The following CDKAL1 variants were observed in gnomAD, a reference collection of about 807,000 sequenced individuals.
CDKAL1 encodes the protein CDKAL1 threonylcarbamoyladenosine tRNA methylthiotransferase, also known as threonylcarbamoyladenosine tRNA methylthiotransferase.
In CDKAL1, 32 loss-of-function variants were observed where a neutral mutation model predicts 68.2. The observed-to-expected ratio is 0.47, with a 90% confidence interval of 0.35 to 0.63. CDKAL1 has a LOEUF of 0.63. Among genes scored for constraint, CDKAL1 ranks in the 30% least tolerant of loss-of-function variants. The pLI is 0.00. For missense variants in CDKAL1, 606 were observed against 696.7 expected (o/e 0.87, Z 1.47); for synonymous variants, 234 against 244.3 (o/e 0.96, Z 0.39).
At chr6:20,586,646 A>AT (rs767397452) in intron 4 of CDKAL1, among the ~76,000 whole-genome samples, 49 of 152,310 alleles carry the variant, frequency 3.2e-4, no homozygotes, top group Non-Finnish European at 6.2e-4. Flanking sequence ...CAAAACAAAC[A>AT]TAAAAAAAGG....
At chr6:20,579,761 C>G (rs930080260) in intron 4 of CDKAL1, among the ~76,000 whole-genome samples, 1 of 152,158 alleles carries the variant, frequency 6.6e-6, no homozygotes, top group Non-Finnish European at 1.5e-5. Flanking sequence ...CTCATTCGTC[C>G]TTGATCCTAG....
chr6:20,804,124 A>G (rs567823334), intron 8 of CDKAL1, among the ~76,000 whole-genome samples: 115 of 152,354 alleles, frequency 7.5e-4, no homozygotes, highest in Middle Eastern at 6.8e-3. Flanking sequence ...ACATTTTACA[A>G]TGACTATCTA....
intron 11 of CDKAL1, among the ~76,000 whole-genome samples, chr6:21,032,393 A>G (rs568059363): frequency 6.6e-6 from 1 of 151,868 alleles, no homozygotes; most frequent in Non-Finnish European, 1.5e-5. Flanking sequence ...TTATTTCTTT[A>G]CTCCAGAAAT....
intron 12 of CDKAL1, among the ~76,000 whole-genome samples, chr6:21,096,093 A>G (rs1446173168): frequency 1.3e-5 from 2 of 152,218 alleles, no homozygotes; most frequent in Non-Finnish European, 2.9e-5. Context: ...TCCAGGTCCC[A>G]GTCGAGGAAT....
At chr6:21,013,545 C>G (rs1299428904) in intron 11 of CDKAL1, among the ~76,000 whole-genome samples, 1 of 152,176 alleles carries the variant, frequency 6.6e-6, no homozygotes, top group South Asian at 2.1e-4. Context: ...AACCAGCTAG[C>G]CCTAGTCTGA....
intron 5 of CDKAL1, among the ~76,000 whole-genome samples, chr6:20,664,070 G>A (rs1769412495): frequency 6.6e-6 from 1 of 152,004 alleles, no homozygotes; most frequent in Non-Finnish European, 1.5e-5. Flanking sequence ...GGCGCCATTG[G>A]ATATTATCAG....
At chr6:20,553,679 C>T (rs972140021) in intron 4 of CDKAL1, among the ~76,000 whole-genome samples, 7 of 152,186 alleles carry the variant, frequency 4.6e-5, no homozygotes, top group East Asian at 1.9e-4. Context: ...AGCACCATCT[C>T]GGCTTACTGC....
intron 4 of CDKAL1, among the ~76,000 whole-genome samples, chr6:20,635,550 C>A (rs1445549167): frequency 1.3e-5 from 2 of 152,144 alleles, no homozygotes; most frequent in African/African-American, 4.8e-5. Flanking sequence ...CGTCCCTAAT[C>A]CAAAGATCCA....
In CDKAL1 at chr6:21,136,566, GC is replaced by G. The variant is rs1325989393; in HGVS notation, c.1299+28104del. Among the ~76,000 whole-genome samples, 11 of 152,176 alleles carry G rather than the reference GC, an allele frequency of 7.2e-5. No individual in the cohort carries two copies. In the East Asian group the frequency reaches 1.9e-3, roughly 27 times the overall value. ...ACTTTGAAAGCACAAAGTATTCAGT[GC>G]TAGCTTCATGCCTGAAAAAGGTCTG... On this transcript the variant is annotated intron_variant, in intron 13 of 15. Transcript: ENST00000274695.
chr6:20,572,114 C>G (rs1472043128), intron 4 of CDKAL1, among the ~76,000 whole-genome samples: 1 of 151,990 alleles, frequency 6.6e-6, no homozygotes, highest in African/African-American at 2.4e-5. Flanking sequence ...AGCACTTTAC[C>G]CCTGTTGGAG....
chr6:20,595,260 A>C (rs13199384), intron 4 of CDKAL1, among the ~76,000 whole-genome samples: 10,464 of 152,134 alleles, frequency 0.069, 521 homozygotes, highest in African/African-American at 0.14. Context: ...TATCCTGCAG[A>C]GTGTTTTCCA....
At chr6:20,947,133 T>G (rs1359711712) in intron 9 of CDKAL1, among the ~76,000 whole-genome samples, 4 of 152,180 alleles carry the variant, frequency 2.6e-5, no homozygotes, top group Admixed American at 2.6e-4. Context: ...GTTTTATTTG[T>G]ATGAGGACAC....
At chr6:20,787,879 T>C (rs1775742194) in intron 8 of CDKAL1, among the ~76,000 whole-genome samples, 1 of 152,206 alleles carries the variant, frequency 6.6e-6, no homozygotes, top group African/African-American at 2.4e-5. Context: ...GATACTGGTT[T>C]ATAAGAGGTT....
chr6:21,121,003 A>G (rs951465338), intron 13 of CDKAL1, among the ~76,000 whole-genome samples: 1 of 152,170 alleles, frequency 6.6e-6, no homozygotes, highest in African/African-American at 2.4e-5. Context: ...TTAGATGTGT[A>G]CATATTAAAT....
intron 9 of CDKAL1, among the ~76,000 whole-genome samples, chr6:20,938,843 T>G (rs2150691376): frequency 6.6e-6 from 1 of 152,334 alleles, no homozygotes; most frequent in African/African-American, 2.4e-5. Context: ...GCATTTATGC[T>G]TTGTTTTCTG....
chr6:20,620,475 C>T (rs540126452), intron 4 of CDKAL1, among the ~76,000 whole-genome samples: 1 of 152,270 alleles, frequency 6.6e-6, no homozygotes, highest in South Asian at 2.1e-4. Context: ...ATATTATCCA[C>T]ATAAGATAGA....
chr6:21,088,330 C>T (rs1772814778), intron 12 of CDKAL1, among the ~76,000 whole-genome samples: 1 of 152,120 alleles, frequency 6.6e-6, no homozygotes, highest in Non-Finnish European at 1.5e-5. Context: ...ACTTCATTTC[C>T]CCATAGAAAT....
intron 12 of CDKAL1, among the ~76,000 whole-genome samples, chr6:21,082,817 G>A (rs1772475827): frequency 6.6e-6 from 1 of 150,860 alleles, no homozygotes; most frequent in Non-Finnish European, 1.5e-5. Flanking sequence ...TATATATAAT[G>A]TGATATCTTG....
At chr6:20,828,677 C>T (rs775337144) in intron 8 of CDKAL1, among the ~76,000 whole-genome samples, 2 of 152,186 alleles carry the variant, frequency 1.3e-5, no homozygotes, top group Non-Finnish European at 2.9e-5. Flanking sequence ...ATTAACCAGT[C>T]TGTCGTTCTT....
Sources: gnomAD v4.1 joint callset for allele counts (sites outside exome capture counted in the v4.1 genomes callset) on GRCh38, gnomAD v4.1.1 for gene constraint, MANE v1.5 for transcripts, NCBI Gene and HGNC (gene_info 2026-07-23, HGNC 2026-07-21) for gene names.